Variants in THAP5 observed in about 807,000 individuals in gnomAD.
THAP5 encodes the protein THAP domain containing 5, also known as THAP domain-containing protein 5.
THAP5 carries 26 observed loss-of-function variants against 34.0 expected under a neutral mutation model. The observed-to-expected ratio is 0.77, with a 90% CI of 0.56 to 1.06. The LOEUF is 1.06. THAP5 is among the 50% of genes least tolerant of loss of function. THAP5 has a pLI of 0.00. For missense variants in THAP5, 394 were observed against 452.8 expected (o/e 0.87, Z 1.18); for synonymous variants, 125 against 153.0 (o/e 0.82, Z 1.35).
At chr7:108,544,719 G>A in the THAP5 span, among the ~76,000 whole-genome samples, 2 of 151,960 alleles carry the variant, frequency 1.3e-5, no homozygotes, top group Admixed American at 6.6e-5. Context: ...TAGCAGAGGT[G>A]CAATCTCAGC....
chr7:108,564,911 T>G lies in THAP5; in HGVS notation c.468A>C (p.Thr156=). 7 of 1,583,518 alleles carry G rather than the reference T, an allele frequency of 4.4e-6. No homozygotes were observed. Among genetic ancestry groups the G allele is most frequent in the Non-Finnish European group, 6.0e-6 (7 of 1,161,120 alleles). The change falls in exon 3 of 3, where the codon ACA becomes ACC. Residue 156 remains threonine, a synonymous_variant. Transcript: ENST00000415914. ...SSLVKPPAPK[T]GSIQNNMLTL... ...TTAACATGTTATTTTGTATACTTCC[T>G]GTTTTGGGAGCTGGTGGCTTTACCA...
the THAP5 span, among the ~76,000 whole-genome samples, chr7:108,542,146 C>G: frequency 6.6e-6 from 1 of 152,068 alleles, no homozygotes; most frequent in Non-Finnish European, 1.5e-5. Flanking sequence ...GAGGGGATAA[C>G]AGAATTGCTT....
At chr7:108,568,614 T>C (rs1418533619) in intron 1 of THAP5, 3 of 154,646 alleles carry the variant, frequency 1.9e-5, no homozygotes, top group Non-Finnish European at 2.9e-5. Flanking sequence ...CTGCTGAAAA[T>C]CTGAACCAGG....
downstream of THAP5, among the ~76,000 whole-genome samples, chr7:108,558,111 C>T (rs568623965): frequency 6.6e-5 from 10 of 151,956 alleles, no homozygotes; most frequent in East Asian, 1.9e-3. Context: ...GGAAATTTCC[C>T]CCATGATCCA....
the THAP5 span, among the ~76,000 whole-genome samples, chr7:108,544,453 C>T: frequency 4.6e-5 from 7 of 151,652 alleles, no homozygotes; most frequent in Non-Finnish European, 1.0e-4. Flanking sequence ...ATTGCTTGAA[C>T]CTGGGAGGCA....
chr7:108,569,377 G>A (rs1790560667), intron 1 of THAP5, 113 bp downstream of exon 1: 10 of 1,522,674 alleles, frequency 6.6e-6, no homozygotes, highest in East Asian at 4.9e-5. Flanking sequence ...GACGGGCCAC[G>A]TACGGAGAGC....
downstream of THAP5, among the ~76,000 whole-genome samples, chr7:108,558,810 A>G (rs1045377816): frequency 6.6e-6 from 1 of 152,180 alleles, no homozygotes; most frequent in Non-Finnish European, 1.5e-5. Flanking sequence ...GGTTATCATG[A>G]AATACAAAGT....
downstream of THAP5, among the ~76,000 whole-genome samples, chr7:108,551,702 A>G (rs1864354797): frequency 6.6e-6 from 1 of 152,192 alleles, no homozygotes; most frequent in Non-Finnish European, 1.5e-5. Context: ...CTGTACAGCA[A>G]TGATTCTCAA....
At chr7:108,544,022 C>T in the THAP5 span, among the ~76,000 whole-genome samples, 4 of 152,126 alleles carry the variant, frequency 2.6e-5, no homozygotes, top group Admixed American at 2.6e-4. Flanking sequence ...AATGGATAGT[C>T]TTTGAAAAAT....
At position 108,569,013 on chromosome 7, in the gene THAP5, A is replaced by G. The variant is rs965252073; in HGVS notation, c.80+477T>C. Reference sequence around the variant, plus strand: ...AGTTTATAATTCTGGCTCTGACACTAAACTTTCAAGGTCGGTTACCTAATC... The same window carrying G: ...AGTTTATAATTCTGGCTCTGACACTGAACTTTCAAGGTCGGTTACCTAATC... On this transcript the variant is annotated intron_variant, in intron 1 of 2. Transcript: ENST00000415914. The G allele has an allele frequency of 9.1e-5, 69 of 758,942 alleles. 1 individual carries two copies. Among genetic ancestry groups the G allele is most frequent in the South Asian group, 2.5e-4 (5 of 19,710 alleles). The allele number at this position is 758,942 out of a possible 1,614,324, so 47.0% of individuals were successfully genotyped here. A position where few individuals can be genotyped will look rare whatever the true frequency, so the allele number is the denominator to read the frequency against.
Position 108,569,563 on chromosome 7 carries a change from G to C in THAP5, c.7C>G (p.Arg3Gly). ...TTACAACAAATCGCTGCGCAATAGCGGGGCATGACTCGGGTGAGGCCCCTG... is the reference window on the plus strand; with the variant it reads ...TTACAACAAATCGCTGCGCAATAGCCGGGCATGACTCGGGTGAGGCCCCTG... Reference protein sequence around the residue: MPRYCAAICCKNR... With the variant: MPGYCAAICCKNR... Residue 3 changes from arginine to glycine, a missense_variant, in exon 1 of 3, where the codon CGC (arginine) becomes GGC (glycine). Transcript: ENST00000415914. The C allele has an allele frequency of 6.4e-7, 1 of 1,551,566 alleles. No individual in the cohort carries two copies. The highest frequency in any genetic ancestry group is 8.7e-7 in the Non-Finnish European group (1 of 1,147,012).
upstream of THAP5, chr7:108,569,744 C>T: frequency 3.7e-6 from 3 of 808,306 alleles, no homozygotes; most frequent in South Asian, 5.2e-5. Flanking sequence ...TAAGCACCGC[C>T]TTTTCGGGGG....
Position 108,564,445 on chromosome 7 carries a change from C to T in THAP5, c.934G>A (p.Asp312Asn). The T allele has an allele frequency of 6.2e-7, 1 of 1,613,916 alleles. No homozygotes were observed. Among genetic ancestry groups the T allele is most frequent in the East Asian group, 2.2e-5 (1 of 44,814 alleles). ...DIEDSLYKDVDYGTEVLQIEH... is the reference protein window; with the variant it reads ...DIEDSLYKDVNYGTEVLQIEH... ...ATTTGTAAAACTTCTGTCCCATAGT[C>T]TACATCCTTATACAAGGAGTCTTCA... The change falls in exon 3 of 3, where the codon GAC becomes AAC. Residue 312 changes from aspartate to asparagine, a missense_variant. Coordinates refer to ENST00000415914, the MANE Select transcript of THAP5 (RefSeq NM_001130475.3).
In THAP5 at chr7:108,565,969, C is replaced by T. The variant is rs998311111; in HGVS notation, c.134G>A (p.Arg45Gln). 3.9e-6 allele frequency: 6 copies of T among 1,549,188 alleles called. No individual in the cohort carries two copies. Among genetic ancestry groups the T allele is most frequent in the Non-Finnish European group, 5.2e-6 (6 of 1,146,128 alleles). The change falls in exon 2 of 3, where the codon CGA becomes CAA. Residue 45 changes from arginine to glutamine, a missense_variant. Coordinates refer to ENST00000415914, the MANE Select transcript of THAP5 (RefSeq NM_001130475.3). The part of the protein sequence containing the change: ...RLEKWLKNMK[R>Q]DSWVPSKYQF... Reference sequence around the variant, plus strand: ...GTATTTACTGGGAACCCATGAATCTCGCTTCATATTCTTTAACCACTTTTC... The same window carrying T: ...GTATTTACTGGGAACCCATGAATCTTGCTTCATATTCTTTAACCACTTTTC...
At chr7:108,548,966 C>T in the THAP5 span, among the ~76,000 whole-genome samples, 1 of 152,030 alleles carries the variant, frequency 6.6e-6, no homozygotes, top group Non-Finnish European at 1.5e-5. Context: ...AGCCTTATTG[C>T]AAACAAAACA....
the THAP5 span, among the ~76,000 whole-genome samples, chr7:108,542,108 G>C: frequency 2.6e-5 from 4 of 152,110 alleles, no homozygotes; most frequent in African/African-American, 7.2e-5. Flanking sequence ...ATAGTTTGTC[G>C]AATTTGTATT....
At chr7:108,558,377 G>GTGTGTGTGTGTATATATATA (rs1401164750), downstream of THAP5, among the ~76,000 whole-genome samples, 4 of 63,016 alleles carry the variant, frequency 6.3e-5, no homozygotes, top group South Asian at 5.0e-4. Flanking sequence ...ATGTGTGTGT[G>GTGTGTGTGTGTATATATATA]TATGTATATA....
intron 1 of THAP5, chr7:108,569,111 G>A (rs774350521): frequency 1.0e-5 from 11 of 1,055,180 alleles, no homozygotes; most frequent in Non-Finnish European, 1.1e-5. Flanking sequence ...CGCGGGGGGT[G>A]TAAATTAACT....
At chr7:108,566,400 A>G (rs1207389423) in intron 1 of THAP5, among the ~76,000 whole-genome samples, 1 of 152,236 alleles carries the variant, frequency 6.6e-6, no homozygotes, top group Non-Finnish European at 1.5e-5. Flanking sequence ...TGTATAAATT[A>G]TAAATTCCTA....
Sources: allele counts gnomAD v4.1 joint callset (sites outside exome capture counted in the v4.1 genomes callset), GRCh38; gene constraint gnomAD v4.1.1; transcripts MANE v1.5; gene names NCBI Gene and HGNC (gene_info 2026-07-23, HGNC 2026-07-21).